The following ZNF469 variants were observed in gnomAD, a reference collection of about 807,000 sequenced individuals.
ZNF469 encodes zinc finger protein 469.
ZNF469 carries 1 observed loss-of-function variant against 1.0 expected under a neutral mutation model. The observed-to-expected ratio is 1.00, with a 90% CI of 0.35 to 4.73. The LOEUF is 4.73. Ranked by LOEUF, ZNF469 falls within the 30% of genes most tolerant of loss-of-function variation. ZNF469 has a pLI of 0.16. For synonymous variants in ZNF469, 2,703 were observed against 2,363.4 expected, an observed-to-expected ratio of 1.14 and a Z score of -4.17; for missense variants, 6,100 against 5,356.3, an observed-to-expected ratio of 1.14 and a Z score of -4.33.
At position 88,427,728 on chromosome 16, in the gene ZNF469, C is replaced by T; in HGVS notation, c.258C>T (p.Thr86=). The change falls in exon 3 of 3, where the codon ACC becomes ACT. Residue 86 remains threonine (T), a synonymous_variant. Transcript: ENST00000565624. ...TGAGAGGCCAGGCCCCGAGCAGCAC[C>T]CCTGGGAAGAGGGGCAGCCCCCAGA... ...PSLRGQAPSS[T]PGKRGSPQTP... The T allele has an allele frequency of 6.5e-7, 1 of 1,538,746 alleles. No individual in the cohort carries two copies. The highest frequency in any genetic ancestry group is 8.7e-7 in the Non-Finnish European group (1 of 1,144,322).
the ZNF469 span, among the ~76,000 whole-genome samples, chr16:88,366,868 C>CATCA: frequency 2.6e-5 from 4 of 152,194 alleles, no homozygotes; most frequent in Non-Finnish European, 4.4e-5. Context: ...CCATCAACAC[C>CATCA]ATCACCACCA....
the ZNF469 span, among the ~76,000 whole-genome samples, chr16:88,209,526 C>T: frequency 1.3e-5 from 2 of 152,106 alleles, no homozygotes; most frequent in East Asian, 1.9e-4. Context: ...CTCCTGACCT[C>T]GTGATCCTCC....
the ZNF469 span, among the ~76,000 whole-genome samples, chr16:88,200,494 G>T: frequency 1.3e-5 from 2 of 152,060 alleles, no homozygotes; most frequent in Non-Finnish European, 2.9e-5. Flanking sequence ...CAGCCCCTAC[G>T]GTCTCTCCGC....
the ZNF469 span, among the ~76,000 whole-genome samples, chr16:88,284,017 AC>A: frequency 8.4e-5 from 7 of 83,400 alleles, no homozygotes; most frequent in African/African-American, 3.8e-4. Flanking sequence ...AGGCTGGTAG[AC>A]CCCCAGTGTG....
At chr16:88,123,177 C>T in the ZNF469 span, among the ~76,000 whole-genome samples, 219 of 152,174 alleles carry the variant, frequency 1.4e-3, no homozygotes, top group Non-Finnish European at 2.6e-3. Flanking sequence ...CCCTGCTCCA[C>T]CCCTTGTATG....
At chr16:88,200,121 A>G in the ZNF469 span, among the ~76,000 whole-genome samples, 1 of 125,542 alleles carries the variant, frequency 8.0e-6, no homozygotes, top group African/African-American at 2.8e-5. Context: ...AGTGCCCGGC[A>G]CGGCCGAAGA....
the ZNF469 span, among the ~76,000 whole-genome samples, chr16:88,190,219 T>C: frequency 6.6e-6 from 1 of 152,230 alleles, no homozygotes; most frequent in Non-Finnish European, 1.5e-5. Flanking sequence ...CAAAATGTTT[T>C]GATTGTTGTA....
chr16:88,357,162 G>A, the ZNF469 span, among the ~76,000 whole-genome samples: 3 of 152,242 alleles, frequency 2.0e-5, no homozygotes, highest in South Asian at 2.1e-4. Context: ...GGGCAGAACA[G>A]TGCTCCTTCT....
chr16:88,136,301 G>C, the ZNF469 span, among the ~76,000 whole-genome samples: 1 of 152,216 alleles, frequency 6.6e-6, no homozygotes, highest in African/African-American at 2.4e-5. Flanking sequence ...CGCCCTACAG[G>C]CACAGATGTC....
At chr16:88,300,697 C>A in the ZNF469 span, among the ~76,000 whole-genome samples, 2 of 152,162 alleles carry the variant, frequency 1.3e-5, no homozygotes, top group Admixed American at 1.3e-4. Flanking sequence ...ACCCACCCAG[C>A]CCCTGGGGAG....
the ZNF469 span, among the ~76,000 whole-genome samples, chr16:88,358,928 G>A: frequency 6.6e-6 from 1 of 152,118 alleles, no homozygotes; most frequent in Non-Finnish European, 1.5e-5. Flanking sequence ...GGACACCTGG[G>A]ATGCTTCCAG....
At chr16:88,229,571 T>TTGTGCGCTGATGTCACGCG in the ZNF469 span, among the ~76,000 whole-genome samples, 1 of 136,358 alleles carries the variant, frequency 7.3e-6, no homozygotes, top group African/African-American at 3.1e-5. Context: ...GATGTCACGC[T>TTGTGCGCTGATGTCACGCG]TGTGCGCTGA....
At chr16:88,377,478 C>T in the ZNF469 span, among the ~76,000 whole-genome samples, 1 of 152,188 alleles carries the variant, frequency 6.6e-6, no homozygotes, top group Non-Finnish European at 1.5e-5. Context: ...CCTGTCCACC[C>T]CAGCTTTTTG....
the ZNF469 span, among the ~76,000 whole-genome samples, chr16:88,134,438 A>G: frequency 6.6e-6 from 1 of 151,726 alleles, no homozygotes; most frequent in African/African-American, 2.4e-5. Context: ...CATTTCACAA[A>G]CCCCTTATGG....
chr16:88,356,195 C>T, the ZNF469 span, among the ~76,000 whole-genome samples: 10 of 152,266 alleles, frequency 6.6e-5, no homozygotes, highest in Admixed American at 5.2e-4. Flanking sequence ...GGGGCCTCCT[C>T]GGCTCTGGGC....
intron 1 of ZNF469, among the ~76,000 whole-genome samples, chr16:88,402,958 A>C (rs1904925386): frequency 6.6e-6 from 1 of 152,220 alleles, no homozygotes; most frequent in South Asian, 2.1e-4. Context: ...CCCCATCAAA[A>C]GGCCAGCCCG....
rs1280466949 is a variant in ZNF469, at chr16:88,440,603, C to G, written c.*1271C>G. Reference sequence around the variant, plus strand: ...TTTTGATATTTGAAAGAGACCAAATCAGGCCCAGACCGCCTCTCTGGAAGG... The same window carrying G: ...TTTTGATATTTGAAAGAGACCAAATGAGGCCCAGACCGCCTCTCTGGAAGG... On this transcript the variant is annotated 3_prime_UTR_variant, in exon 3 of 3. Transcript: ENST00000565624. 1 of 152,162 alleles carries G rather than the reference C, an allele frequency of 6.6e-6. No individual in the cohort carries two copies. The highest frequency in any genetic ancestry group is 2.4e-5 in the African/African-American group (1 of 41,422). 9.4% of individuals were successfully genotyped at this position (152,162 alleles called of 1,614,324 possible).
the ZNF469 span, among the ~76,000 whole-genome samples, chr16:88,102,450 C>T: frequency 4.6e-5 from 7 of 152,298 alleles, no homozygotes; most frequent in South Asian, 8.3e-4. Context: ...TGCAGTGAGC[C>T]GAGATTGCAC....
At chr16:88,261,457 C>T in the ZNF469 span, among the ~76,000 whole-genome samples, 6 of 152,154 alleles carry the variant, frequency 3.9e-5, no homozygotes, top group African/African-American at 1.2e-4. The surrounding 1 kb of genome is among the most constrained non-coding windows in gnomAD (Gnocchi z 6.0). Flanking sequence ...TTGCCAGAGG[C>T]GGGGGACTTG....
Sources: gnomAD v4.1 joint callset for allele counts (sites outside exome capture counted in the v4.1 genomes callset) on GRCh38, gnomAD v4.1.1 for gene constraint, Gnocchi (gnomAD v3.1) non-coding constraint, MANE v1.5 for transcripts, NCBI Gene and HGNC (gene_info 2026-07-23, HGNC 2026-07-21) for gene names.